NQO2: variants seen among roughly 807,000 people sequenced by gnomAD.
NQO2 encodes the protein ribosyldihydronicotinamide dehydrogenase [quinone].
In NQO2, 18 loss-of-function variants were observed where a neutral mutation model predicts 22.0. The observed-to-expected ratio is 0.82, with a 90% CI of 0.56 to 1.21. The LOEUF (loss-of-function observed/expected upper bound fraction) is 1.21, where lower values mean the gene tolerates loss of function less well. Among genes scored for constraint, NQO2 ranks in the 50% most tolerant of loss-of-function variants. The pLI is 0.00. For synonymous variants in NQO2, 106 were observed against 110.8 expected (o/e 0.96, Z 0.28); for missense variants, 267 against 286.9 (o/e 0.93, Z 0.50).
At position 3,005,708 on chromosome 6, in the gene NQO2, G is replaced by A. The variant is rs913534135; in HGVS notation, c.-85-760G>A. The A allele has an allele frequency of 4.2e-5, 41 of 985,220 alleles. No individual in the cohort carries two copies. In the African/African-American group the frequency reaches 6.6e-4, roughly 16 times the overall value. The allele number at this position is 985,220 out of a possible 1,614,324, so 61.0% of individuals were successfully genotyped here. A position where few individuals can be genotyped will look rare whatever the true frequency, so the allele number is the denominator to read the frequency against. Reference sequence around the variant, plus strand: ...GAATTTCAGAGATGGCCAGGAGGGGGTGAGGCCAAAGGCTCCCCTGGGGAG... The same window carrying A: ...GAATTTCAGAGATGGCCAGGAGGGGATGAGGCCAAAGGCTCCCCTGGGGAG... On this transcript the variant is annotated intron_variant, in intron 1 of 6. Transcript: ENST00000380455.
chr6:3,013,964 G>A (rs1757236572), intron 4 of NQO2, among the ~76,000 whole-genome samples: 1 of 152,130 alleles, frequency 6.6e-6, no homozygotes, highest in South Asian at 2.1e-4. Context: ...GCCAGGGACT[G>A]GATCCCCTAG....
At chr6:3,016,430 CAAAAA>C (rs36118697) in intron 5 of NQO2, among the ~76,000 whole-genome samples, 2 of 85,686 alleles carry the variant, frequency 2.3e-5, no homozygotes, top group Admixed American at 1.2e-4. Flanking sequence ...GACTCTGTCT[CAAAAA>C]AAAAAAAAAA....
intron 5 of NQO2, 143 bp from the exon 6 acceptor site, chr6:3,016,740 TG>T: frequency 6.8e-7 from 1 of 1,467,394 alleles, no homozygotes. Flanking sequence ...CACCTATGGA[TG>T]GGAGTGTTGC....
At chr6:3,011,098 C>T (rs1337842850) in intron 3 of NQO2, among the ~76,000 whole-genome samples, 1 of 152,134 alleles carries the variant, frequency 6.6e-6, no homozygotes, top group Non-Finnish European at 1.5e-5. Flanking sequence ...ATGACCTCTC[C>T]ACACAGACAA....
intron 4 of NQO2, among the ~76,000 whole-genome samples, chr6:3,012,946 C>CT (rs751626888): frequency 0.017 from 1,024 of 60,630 alleles, 332 homozygotes; most frequent in Middle Eastern, 0.027. Context: ...TGTAACACTA[C>CT]TTTTTTTTTT....
chr6:3,002,571 A>G (rs1443971119), intron 1 of NQO2, among the ~76,000 whole-genome samples: 3 of 151,868 alleles, frequency 2.0e-5, no homozygotes, highest in African/African-American at 7.3e-5. Context: ...CGGCCCCCCA[A>G]AATGCTGGGA....
At chr6:3,018,467 T>G (rs1217257758) in intron 6 of NQO2, among the ~76,000 whole-genome samples, 1 of 152,164 alleles carries the variant, frequency 6.6e-6, no homozygotes, top group African/African-American at 2.4e-5. Flanking sequence ...ATTGCACCAC[T>G]GCACTCCAGC....
rs1347158034 is a variant in NQO2 at position 3,004,366 on chromosome 6, G to A, written c.-85-2102G>A. The A allele has an allele frequency of 8.1e-6, 8 of 984,764 alleles. No individual in the cohort carries two copies. In the African/African-American group the frequency reaches 1.1e-4, roughly 13 times the overall value. The allele number at this position is 984,764 out of a possible 1,614,324, so 61.0% of individuals were successfully genotyped here. On this transcript the variant is annotated intron_variant, in intron 1 of 6. Coordinates refer to ENST00000380455, the MANE Select transcript of NQO2 (RefSeq NM_000904.6). The stretch of plus-strand genomic sequence containing the variant: ...GGGGAAGGATTTGAAGTCACCTTTG[G>A]GTGTTTGGAGTGATCAGAGCTGTCT...
At position 3,004,902 on chromosome 6, in the gene NQO2, G is replaced by A. The variant is rs144200445; in HGVS notation, c.-85-1566G>A. The stretch of plus-strand genomic sequence containing the variant: ...TTTTTGTGTTTTTGGACAGAGTCTC[G>A]CTCTGTCTCAGCCTCCCGAGTAGCT... On this transcript the variant is annotated intron_variant, in intron 1 of 6. Transcript: ENST00000380455. 3.4e-3 allele frequency among the ~76,000 whole-genome samples: 515 copies of A among 151,886 alleles called. 2 individuals carry two copies. Among genetic ancestry groups the A allele is most frequent in the Non-Finnish European group, 5.1e-3 (344 of 67,956 alleles).
intron 1 of NQO2, among the ~76,000 whole-genome samples, chr6:3,002,551 C>G (rs1756769823): frequency 6.6e-6 from 1 of 152,028 alleles, no homozygotes; most frequent in South Asian, 2.1e-4. Flanking sequence ...CTCAGGTGAT[C>G]CCCCCACCTC....
chr6:3,013,156 C>T (rs1192584911), intron 4 of NQO2, among the ~76,000 whole-genome samples: 7 of 151,774 alleles, frequency 4.6e-5, no homozygotes, highest in South Asian at 2.1e-4. Context: ...CGGGTTTCAC[C>T]GTGTTAGCCA....
At chr6:3,009,870 AAG>A in intron 2 of NQO2, 153 bp from the exon 3 acceptor site, 1 of 944,934 alleles carries the variant, frequency 1.1e-6, no homozygotes, top group Middle Eastern at 5.5e-4. Flanking sequence ...GTCTAAAAAG[AAG>A]AGAGAGAAAG....
rs1757471187 is a variant in NQO2, at chr6:3,019,592, G to A, written c.633G>A (p.Arg211=). The change falls in exon 7 of 7, where the codon AGG becomes AGA. Residue 211 remains arginine (R), a synonymous_variant. Coordinates refer to ENST00000380455, the MANE Select transcript of NQO2 (RefSeq NM_000904.6). ...GGATGGTGGCTGCGTGGTCCCAGAG[G>A]CTGCAGACCATCTGGAAGGAAGAGC... ...RKGMVAAWSQ[R]LQTIWKEEPI... The A allele has an allele frequency of 6.2e-7, 1 of 1,614,016 alleles. No individual in the cohort carries two copies. Among genetic ancestry groups the A allele is most frequent in the South Asian group, 1.1e-5 (1 of 91,090 alleles).
intron 1 of NQO2, among the ~76,000 whole-genome samples, chr6:3,001,091 T>C (rs1264748005): frequency 1.1e-4 from 1 of 9,166 alleles, no homozygotes; most frequent in Non-Finnish European, 2.4e-4. Flanking sequence ...TTTCTTTTTC[T>C]TTTTTTTTTT....
intron 4 of NQO2, 73 bp downstream of exon 4, chr6:3,012,747 T>G: frequency 6.8e-7 from 1 of 1,477,928 alleles, no homozygotes; most frequent in Non-Finnish European, 9.3e-7. Flanking sequence ...TATTGAGTTT[T>G]GTGCTGCTTC....
chr6:3,017,847 C>T (rs959409790), intron 6 of NQO2, among the ~76,000 whole-genome samples: 1 of 152,166 alleles, frequency 6.6e-6, no homozygotes, highest in Non-Finnish European at 1.5e-5. Context: ...TGGGAAAATG[C>T]ACGCGTCACC....
chr6:3,009,172 G>A (rs973279137), intron 2 of NQO2, among the ~76,000 whole-genome samples: 9 of 152,210 alleles, frequency 5.9e-5, no homozygotes, highest in African/African-American at 2.2e-4. Context: ...CCGCCCCGAA[G>A]CGGCCATTTC....
chr6:3,017,117 G>C, intron 6 of NQO2, 132 bp downstream of exon 6: 1 of 1,054,042 alleles, frequency 9.5e-7, no homozygotes, highest in Non-Finnish European at 1.4e-6. Flanking sequence ...GATGAGATGG[G>C]ATGGAAGCGT....
intron 1 of NQO2, chr6:3,005,625 T>G: frequency 1.0e-6 from 1 of 985,264 alleles, no homozygotes; most frequent in Non-Finnish European, 1.2e-6. Flanking sequence ...GAGCTGTTTT[T>G]TTATGGTAGG....
Sources: gnomAD v4.1 joint callset for allele counts (sites outside exome capture counted in the v4.1 genomes callset) on GRCh38, gnomAD v4.1.1 for gene constraint, MANE v1.5 for transcripts, NCBI Gene and HGNC (gene_info 2026-07-23, HGNC 2026-07-21) for gene names.